NELL1: variants seen among roughly 807,000 people sequenced by gnomAD.
The protein encoded by NELL1 is protein kinase C-binding protein NELL1.
A neutral mutation model predicts 107.4 loss-of-function variants in NELL1; 76 were observed. The observed-to-expected ratio is 0.71, with a 90% CI of 0.59 to 0.86. The LOEUF (loss-of-function observed/expected upper bound fraction) is 0.86. NELL1 is among the 40% of genes least tolerant of loss of function. The pLI is 0.00. For missense variants in NELL1, 1,024 were observed against 1,005.5 expected (o/e 1.02, Z -0.25); for synonymous variants, 353 against 341.2 (o/e 1.03, Z -0.38).
chr11:20,693,794 G>C (rs1431379503), intron 2 of NELL1, among the ~76,000 whole-genome samples: 1 of 151,962 alleles, frequency 6.6e-6, no homozygotes, highest in Non-Finnish European at 1.5e-5. Context: ...GAGTATCTTT[G>C]TGGCGTTCTC....
intron 15 of NELL1, among the ~76,000 whole-genome samples, chr11:21,391,110 A>G (rs193041405): frequency 6.6e-6 from 1 of 151,976 alleles, no homozygotes; most frequent in East Asian, 2.0e-4. Context: ...CTTCCTTTCT[A>G]CTTAATTGAT....
chr11:21,343,499 G>A (rs1590855227), intron 14 of NELL1, among the ~76,000 whole-genome samples: 1 of 152,084 alleles, frequency 6.6e-6, no homozygotes, highest in African/African-American at 2.4e-5. Context: ...TAATTACTCT[G>A]TGATCTGATT....
chr11:20,957,580 G>A (rs1851201880), intron 11 of NELL1, among the ~76,000 whole-genome samples: 2 of 152,132 alleles, frequency 1.3e-5, no homozygotes, highest in Admixed American at 6.5e-5. Flanking sequence ...AAAATTAGAT[G>A]TGCAAAGCCT....
chr11:21,265,730 T>A (rs1474458184), intron 14 of NELL1, among the ~76,000 whole-genome samples: 1 of 152,026 alleles, frequency 6.6e-6, no homozygotes, highest in Non-Finnish European at 1.5e-5. Flanking sequence ...TAGTCTTGGG[T>A]TCTTAAAACT....
At chr11:21,431,798 T>A (rs1221750731) in intron 15 of NELL1, among the ~76,000 whole-genome samples, 5 of 152,200 alleles carry the variant, frequency 3.3e-5, no homozygotes, top group East Asian at 3.9e-4. Flanking sequence ...CGCTTTTTTT[T>A]ATGCTCAACT....
intron 11 of NELL1, among the ~76,000 whole-genome samples, chr11:20,959,322 G>A (rs1393415497): frequency 6.6e-6 from 1 of 152,034 alleles, no homozygotes; most frequent in African/African-American, 2.4e-5. Context: ...CCCACTACTG[G>A]GTATCTACCT....
chr11:21,366,433 C>T (rs927370694), intron 14 of NELL1, among the ~76,000 whole-genome samples: 1 of 152,080 alleles, frequency 6.6e-6, no homozygotes, highest in African/African-American at 2.4e-5. Context: ...TGGTTCCTGA[C>T]ACCTTGTAAT....
rs1372887338 is a variant in NELL1, at chr11:20,975,729, TATA to T, written c.1300+15172_1300+15174del. On this transcript the variant is annotated intron_variant, in intron 12 of 19. Coordinates refer to ENST00000357134, the MANE Select transcript of NELL1 (RefSeq NM_006157.5). ...TAATATACATATTATATATGTATTA[TATA>T]ATGTATGTATTATATAATATACATA... is the stretch of plus-strand genomic sequence containing the variant. Among the ~76,000 whole-genome samples, 473 of 101,148 alleles carry T rather than the reference TATA, an allele frequency of 4.7e-3. 47 individuals are homozygous for T. Among genetic ancestry groups the T allele is most frequent in the Middle Eastern group, 0.019 (2 of 106 alleles). The allele number at this position is 101,148 out of a possible 152,430, so 66.4% of individuals were successfully genotyped here. A position where few individuals can be genotyped will look rare whatever the true frequency, so the allele number is the denominator to read the frequency against.
intron 14 of NELL1, among the ~76,000 whole-genome samples, chr11:21,353,953 T>A (rs1051332914): frequency 6.6e-6 from 1 of 152,190 alleles, no homozygotes; most frequent in Non-Finnish European, 1.5e-5. Flanking sequence ...CCCACATGTA[T>A]GTGTCTAATA....
At chr11:21,188,655 A>G (rs1397971373) in intron 13 of NELL1, among the ~76,000 whole-genome samples, 1 of 151,882 alleles carries the variant, frequency 6.6e-6, no homozygotes, top group Non-Finnish European at 1.5e-5. Context: ...CAAAATATAC[A>G]GTGAGGCACA....
chr11:20,800,797 T>A (rs117485872), intron 3 of NELL1, among the ~76,000 whole-genome samples: 5,058 of 152,252 alleles, frequency 0.033, 105 homozygotes, highest in Non-Finnish European at 0.049. Flanking sequence ...GGGCAGGAAC[T>A]GCAAAGAGAT....
intron 1 of NELL1, among the ~76,000 whole-genome samples, chr11:20,675,552 G>A (rs1217389939): frequency 6.6e-5 from 10 of 152,226 alleles, no homozygotes; most frequent in South Asian, 2.1e-4. Flanking sequence ...TTCTTCTTGC[G>A]TCTGGTGAAG....
intron 4 of NELL1, among the ~76,000 whole-genome samples, chr11:20,852,688 A>G (rs1000180473): frequency 5.3e-5 from 8 of 152,196 alleles, no homozygotes; most frequent in South Asian, 2.1e-4. Context: ...GAGACTCTCA[A>G]TCTCCTGGTT....
intron 14 of NELL1, among the ~76,000 whole-genome samples, chr11:21,329,268 G>T (rs1281257169): frequency 6.6e-6 from 1 of 151,386 alleles, no homozygotes; most frequent in Non-Finnish European, 1.5e-5. Context: ...CTCACAGGAT[G>T]GTTTTATAAG....
intron 3 of NELL1, among the ~76,000 whole-genome samples, chr11:20,790,222 G>T (rs1273114321): frequency 2.0e-5 from 3 of 152,194 alleles, no homozygotes; most frequent in Non-Finnish European, 4.4e-5. Context: ...TGCCCAGACT[G>T]CAGGTGCCAA....
rs367656967 is a variant in NELL1 at position 21,397,178 on chromosome 11, A to G, written c.1645+26230A>G. On this transcript the variant is annotated intron_variant, in intron 15 of 19. Coordinates refer to ENST00000357134, the MANE Select transcript of NELL1 (RefSeq NM_006157.5). The stretch of plus-strand genomic sequence containing the variant: ...TTTTATAAGACACACGAGGAATCAT[A>G]TAGCTGTAAAGACTATGCTAACTTT... Among the ~76,000 whole-genome samples, 265 of 151,746 alleles carry G rather than the reference A, an allele frequency of 1.7e-3. 8 individuals carry two copies. The South Asian group carries it at 0.052, about 30-fold the overall frequency.
intron 14 of NELL1, among the ~76,000 whole-genome samples, chr11:21,236,970 A>G (rs905871286): frequency 9.9e-5 from 15 of 152,196 alleles, no homozygotes; most frequent in African/African-American, 3.1e-4. Flanking sequence ...CAGATTGGCC[A>G]TTTCACATCC....
At chr11:21,184,084 A>G (rs1590713184) in intron 13 of NELL1, among the ~76,000 whole-genome samples, 1 of 151,786 alleles carries the variant, frequency 6.6e-6, no homozygotes, top group East Asian at 1.9e-4. Context: ...TGGGAACCCC[A>G]AGTTGGCTAG....
intron 15 of NELL1, among the ~76,000 whole-genome samples, chr11:21,468,639 G>A (rs1460693397): frequency 2.0e-5 from 3 of 152,004 alleles, no homozygotes; most frequent in Admixed American, 6.6e-5. Context: ...AATGAAGTGG[G>A]TTAGGTAGAA....
Sources: gnomAD v4.1 joint callset for allele counts (sites outside exome capture counted in the v4.1 genomes callset) on GRCh38, gnomAD v4.1.1 for gene constraint, MANE v1.5 for transcripts, NCBI Gene and HGNC (gene_info 2026-07-23, HGNC 2026-07-21) for gene names.